KIAA1217: variants seen among roughly 807,000 people sequenced by gnomAD.
The protein encoded by KIAA1217 is KIAA1217.
A neutral mutation model predicts 163.9 loss-of-function variants in KIAA1217; 88 were observed. The ratio of observed to expected loss-of-function variants is 0.54; its 90% CI spans 0.45 to 0.64. KIAA1217 has a LOEUF of 0.64. Ranked by LOEUF, KIAA1217 falls within the 30% of genes least tolerant of loss-of-function variation. The pLI is 0.00. For synonymous variants in KIAA1217, 903 were observed against 923.1 expected (o/e 0.98, Z 0.39); for missense variants, 2,372 against 2,475.0 (o/e 0.96, Z 0.88).
chr10:24,070,480 A>G (rs112416635), intron 2 of KIAA1217, among the ~76,000 whole-genome samples: 13 of 152,340 alleles, frequency 8.5e-5, no homozygotes, highest in Admixed American at 3.3e-4. Flanking sequence ...TACAATAGTA[A>G]TACAAATAAT....
intron 3 of KIAA1217, among the ~76,000 whole-genome samples, chr10:24,391,291 G>A (rs1438758467): frequency 6.7e-6 from 1 of 149,972 alleles, no homozygotes; most frequent in African/African-American, 2.5e-5. Context: ...AGTGAGAGAG[G>A]TCTTAGAGAA....
intron 2 of KIAA1217, among the ~76,000 whole-genome samples, chr10:24,325,957 TGTGA>T (rs2044823656): frequency 6.6e-6 from 1 of 152,232 alleles, no homozygotes; most frequent in South Asian, 2.1e-4. Flanking sequence ...TTTATAATGC[TGTGA>T]GTAACACTGA....
intron 1 of KIAA1217, among the ~76,000 whole-genome samples, chr10:23,905,063 C>CTTTTTTTTTTTTTTTT (rs562938938): frequency 3.0e-5 from 3 of 99,938 alleles, no homozygotes; most frequent in East Asian, 2.8e-4. Context: ...TTCTCTTTTC[C>CTTTTTTTTTTTTTTTT]TTTTTTTTTT....
intron 2 of KIAA1217, among the ~76,000 whole-genome samples, chr10:24,075,585 C>T (rs940205995): frequency 6.6e-6 from 1 of 151,126 alleles, no homozygotes; most frequent in African/African-American, 2.4e-5. Flanking sequence ...AGTTCTGTCT[C>T]CAAATCTAAA....
chr10:23,855,854 C>T lies in KIAA1217; in HGVS notation c.-320-151371C>T, dbSNP rs182592401. 3.7e-4 allele frequency among the ~76,000 whole-genome samples: 57 copies of T among 152,304 alleles called. 1 individual carries two copies. Among genetic ancestry groups the T allele is most frequent in the African/African-American group, 9.6e-4 (40 of 41,570 alleles). Reference sequence around the variant, plus strand: ...CATGTAGTTCTCAAGCCTTGGCTTTCGGCTCCATCAGCTCCTTTAAGCACT... The same window carrying T: ...CATGTAGTTCTCAAGCCTTGGCTTTTGGCTCCATCAGCTCCTTTAAGCACT... On this transcript the variant is annotated intron_variant, in intron 1 of 18. Coordinates refer to the KIAA1217 transcript ENST00000376462.
chr10:24,021,868 C>T (rs930215326), intron 2 of KIAA1217, among the ~76,000 whole-genome samples: 5 of 104,252 alleles, frequency 4.8e-5, no homozygotes, highest in Admixed American at 1.1e-4. Flanking sequence ...GCCTTTTCAA[C>T]ATCTGGACAT....
chr10:23,801,326 G>A lies in KIAA1217; in HGVS notation c.-321+106092G>A, dbSNP rs1405447206. Among the ~76,000 whole-genome samples the A allele has an allele frequency of 2.0e-5, 3 of 152,276 alleles. No homozygotes were observed. The East Asian group carries it at 5.8e-4, about 29-fold the overall frequency. On this transcript the variant is annotated intron_variant, in intron 1 of 18. Transcript: ENST00000376462. Reference sequence around the variant, plus strand: ...AACATAACACACTGGGGCCTGTCGTGGGAGTGGAAGACTAGGGGAGGGATA... The same window carrying A: ...AACATAACACACTGGGGCCTGTCGTAGGAGTGGAAGACTAGGGGAGGGATA...
intron 2 of KIAA1217, among the ~76,000 whole-genome samples, chr10:24,074,770 C>T (rs2061314594): frequency 6.8e-6 from 1 of 146,834 alleles, no homozygotes; most frequent in African/African-American, 2.5e-5. Context: ...GTGGCCTGCA[C>T]ACTCAGTGCA....
At chr10:23,770,757 T>A (rs2130879285) in intron 1 of KIAA1217, among the ~76,000 whole-genome samples, 1 of 152,356 alleles carries the variant, frequency 6.6e-6, no homozygotes, top group African/African-American at 2.4e-5. Flanking sequence ...AAGTAACTTC[T>A]GTGCATGGAT....
intron 2 of KIAA1217, among the ~76,000 whole-genome samples, chr10:24,187,300 T>C (rs535513461): frequency 6.6e-6 from 1 of 152,180 alleles, no homozygotes; most frequent in Non-Finnish European, 1.5e-5. Flanking sequence ...TGTAGCTGAC[T>C]GGGCTAATGG....
chr10:24,279,016 A>G (rs974044467), intron 2 of KIAA1217, among the ~76,000 whole-genome samples: 1 of 151,552 alleles, frequency 6.6e-6, no homozygotes, highest in Non-Finnish European at 1.5e-5. Context: ...GCCACCACTA[A>G]TTTTTGTATT....
At chr10:23,995,436 C>T (rs1029575150) in intron 1 of KIAA1217, among the ~76,000 whole-genome samples, 1 of 147,952 alleles carries the variant, frequency 6.8e-6, no homozygotes, top group African/African-American at 2.6e-5. Flanking sequence ...AATTCCATTA[C>T]AGCCAATTAT....
At chr10:23,799,119 C>T (rs1836349026) in intron 1 of KIAA1217, among the ~76,000 whole-genome samples, 1 of 152,142 alleles carries the variant, frequency 6.6e-6, no homozygotes, top group Non-Finnish European at 1.5e-5. Context: ...TTCATCTTCT[C>T]ATGGTGTTCT....
chr10:24,272,647 G>A (rs987346899), intron 2 of KIAA1217, among the ~76,000 whole-genome samples: 2 of 152,184 alleles, frequency 1.3e-5, no homozygotes, highest in African/African-American at 2.4e-5. Flanking sequence ...TGTTCAAATA[G>A]TCATGGATTT....
intron 3 of KIAA1217, among the ~76,000 whole-genome samples, chr10:24,418,782 G>T (rs1339381770): frequency 2.0e-5 from 3 of 151,472 alleles, no homozygotes; most frequent in Non-Finnish European, 4.4e-5. Context: ...TTGATAGTTT[G>T]AAAACATGCA....
chr10:24,473,662 C>T lies in KIAA1217; in HGVS notation c.1281C>T (p.Thr427=), dbSNP rs146420784. ...VPDHIIAYHR[T]AIRSASAYCN... is the part of the protein sequence containing the mutation. ...ACCACATCATTGCATATCACCGCACCGCCATCCGGTCAGCGAGTGCTTATT... is the reference window on the plus strand; with the variant it reads ...ACCACATCATTGCATATCACCGCACTGCCATCCGGTCAGCGAGTGCTTATT... The change falls in exon 6 of 21, where the codon ACC becomes ACT. Residue 427 remains threonine (T), a synonymous_variant. Coordinates refer to ENST00000376454, the MANE Select transcript of KIAA1217 (RefSeq NM_019590.5). 196 of 1,614,062 alleles carry T rather than the reference C, an allele frequency of 1.2e-4. No individual in the cohort carries two copies. The African/African-American group carries it at 1.4e-3, about 12-fold the overall frequency.
rs552434574 is a variant in KIAA1217, at chr10:24,351,353, T to C, written c.355-29516T>C. ...AGAGTCTGTATCTTCTTCCCTGCCC[T>C]GGGCTTTATTCTTTTCTAGAGATCC... On this transcript the variant is annotated intron_variant, in intron 2 of 20. Transcript: ENST00000376454. Among the ~76,000 whole-genome samples the C allele has an allele frequency of 2.6e-5, 4 of 152,350 alleles. No homozygotes were observed. In the South Asian group the frequency reaches 8.3e-4, roughly 32 times the overall value.
At chr10:23,993,787 C>T (rs1397324456) in intron 1 of KIAA1217, among the ~76,000 whole-genome samples, 1 of 151,894 alleles carries the variant, frequency 6.6e-6, no homozygotes, top group Non-Finnish European at 1.5e-5. Flanking sequence ...ACCATTTTGG[C>T]CAGGCTGGTC....
chr10:24,041,964 G>A (rs1472652909), intron 2 of KIAA1217, among the ~76,000 whole-genome samples: 2 of 151,946 alleles, frequency 1.3e-5, no homozygotes, highest in Non-Finnish European at 2.9e-5. Context: ...GTGTGTGTGC[G>A]TTTCATATTC....
Sources: allele counts gnomAD v4.1 joint callset (sites outside exome capture counted in the v4.1 genomes callset), GRCh38; gene constraint gnomAD v4.1.1; transcripts MANE v1.5; gene names NCBI Gene and HGNC (gene_info 2026-07-23, HGNC 2026-07-21).